The following SPAG16 variants were observed in gnomAD, a reference collection of about 807,000 sequenced individuals.
SPAG16 encodes sperm-associated antigen 16 protein.
A neutral mutation model predicts 80.4 loss-of-function variants in SPAG16; 86 were observed. The ratio of observed to expected loss-of-function variants is 1.07; its 90% CI spans 0.90 to 1.28. SPAG16 has a LOEUF of 1.28. SPAG16 is among the 50% of genes most tolerant of loss of function. The pLI is 0.00. For synonymous variants in SPAG16, 294 were observed against 265.9 expected (o/e 1.11, Z -1.03); for missense variants, 870 against 765.3 (o/e 1.14, Z -1.61).
chr2:213,585,370 A>C (rs112151900), intron 10 of SPAG16, among the ~76,000 whole-genome samples: 1 of 149,786 alleles, frequency 6.7e-6, no homozygotes, highest in African/African-American at 2.5e-5. Flanking sequence ...TCTGCCTCCT[A>C]GGTTCAAGCA....
chr2:213,379,017 GAC>G (rs1325003423), intron 9 of SPAG16, among the ~76,000 whole-genome samples: 2 of 152,202 alleles, frequency 1.3e-5, no homozygotes, highest in Non-Finnish European at 2.9e-5. Context: ...TTAGCCTGTT[GAC>G]TTAAAGGTAG....
intron 15 of SPAG16, among the ~76,000 whole-genome samples, chr2:214,166,416 C>G (rs1361185974): frequency 6.6e-6 from 1 of 152,140 alleles, no homozygotes; most frequent in Non-Finnish European, 1.5e-5. Context: ...CCTCCACGCC[C>G]CCGGGCTCGG....
chr2:214,261,156 A>G (rs1691144344), intron 15 of SPAG16, among the ~76,000 whole-genome samples: 1 of 143,062 alleles, frequency 7.0e-6, no homozygotes, highest in African/African-American at 2.6e-5. Context: ...AAAAAAAAGG[A>G]AAAACCTGAG....
chr2:213,545,525 T>C (rs1052832000), intron 10 of SPAG16, among the ~76,000 whole-genome samples: 2 of 152,152 alleles, frequency 1.3e-5, no homozygotes, highest in Non-Finnish European at 2.9e-5. Context: ...TGTATCAAAA[T>C]AGTCATCACC....
At chr2:214,261,606 T>A (rs1691181727) in intron 15 of SPAG16, among the ~76,000 whole-genome samples, 1 of 152,192 alleles carries the variant, frequency 6.6e-6, no homozygotes, top group African/African-American at 2.4e-5. Context: ...ATCACACACA[T>A]TTGCCCTTTA....
chr2:214,328,621 C>A (rs10490504), intron 15 of SPAG16, among the ~76,000 whole-genome samples: 2 of 152,094 alleles, frequency 1.3e-5, no homozygotes, highest in Non-Finnish European at 2.9e-5. Context: ...ATTTAAATCT[C>A]GTATCTCAAA....
rs568673794 is a variant in SPAG16, at chr2:214,238,708, C to CA, written c.1720+89446dup. 2.2e-3 allele frequency: 327 copies of CA among 150,776 alleles called. 3 individuals are homozygous for CA. Among genetic ancestry groups the CA allele is most frequent in the African/African-American group, 6.3e-3 (259 of 41,022 alleles). The allele number at this position is 150,776 out of a possible 1,614,324, so 9.3% of individuals were successfully genotyped here. On this transcript the variant is annotated intron_variant, in intron 15 of 15. Coordinates refer to ENST00000331683, the MANE Select transcript of SPAG16 (RefSeq NM_024532.5). Reference sequence around the variant, plus strand: ...TGTGCTATCTAGCTACCTCTTCCCACAAAATCTACATCCTTATCTGTTTTA... The same window carrying CA: ...TGTGCTATCTAGCTACCTCTTCCCACAAAAATCTACATCCTTATCTGTTTTA...
At chr2:213,625,849 A>G (rs547188757) in intron 10 of SPAG16, among the ~76,000 whole-genome samples, 121 of 151,700 alleles carry the variant, frequency 8.0e-4, no homozygotes, top group Non-Finnish European at 1.0e-3. Context: ...CACCACACCC[A>G]GCTAATTTTT....
intron 15 of SPAG16, chr2:214,240,747 A>C (rs1241701472): frequency 1.3e-5 from 2 of 152,208 alleles, no homozygotes; most frequent in Admixed American, 1.3e-4. Flanking sequence ...GTCATCATAA[A>C]AAATATAAAG....
At chr2:214,212,498 T>G (rs929806306) in intron 15 of SPAG16, among the ~76,000 whole-genome samples, 1 of 152,184 alleles carries the variant, frequency 6.6e-6, no homozygotes, top group Non-Finnish European at 1.5e-5. Context: ...GTCCATTGTT[T>G]GACTCTTGTG....
intron 10 of SPAG16, among the ~76,000 whole-genome samples, chr2:213,718,172 A>C (rs939196173): frequency 1.3e-5 from 2 of 150,918 alleles, no homozygotes; most frequent in African/African-American, 4.9e-5. Flanking sequence ...AAAAAAAAGA[A>C]AACCACCAAA....
At chr2:213,900,969 A>G (rs1403809299) in intron 11 of SPAG16, among the ~76,000 whole-genome samples, 1 of 152,180 alleles carries the variant, frequency 6.6e-6, no homozygotes, top group South Asian at 2.1e-4. Context: ...AATCATCTGT[A>G]TATTTCTAGA....
At chr2:213,790,692 C>G (rs575705428) in intron 10 of SPAG16, among the ~76,000 whole-genome samples, 2 of 151,968 alleles carry the variant, frequency 1.3e-5, no homozygotes, top group East Asian at 3.9e-4. Flanking sequence ...CCTCAAGCAT[C>G]TATGTGTATG....
intron 13 of SPAG16, among the ~76,000 whole-genome samples, chr2:214,022,392 G>A (rs1358739353): frequency 6.6e-6 from 1 of 152,046 alleles, no homozygotes; most frequent in East Asian, 1.9e-4. Flanking sequence ...GTGTCCTTGG[G>A]CATATTGTAT....
At chr2:213,573,773 C>G (rs1294541095) in intron 10 of SPAG16, among the ~76,000 whole-genome samples, 1 of 152,084 alleles carries the variant, frequency 6.6e-6, no homozygotes, top group Non-Finnish European at 1.5e-5. Context: ...CTGGTACAAA[C>G]AAAGATTTGA....
intron 10 of SPAG16, among the ~76,000 whole-genome samples, chr2:213,714,243 G>T (rs2066134030): frequency 6.6e-6 from 1 of 152,176 alleles, no homozygotes; most frequent in Non-Finnish European, 1.5e-5. Flanking sequence ...ATGTGCAGTG[G>T]AATATTTTTA....
intron 10 of SPAG16, among the ~76,000 whole-genome samples, chr2:213,557,027 G>A (rs1011828798): frequency 2.0e-5 from 3 of 152,060 alleles, no homozygotes; most frequent in Non-Finnish European, 4.4e-5. Flanking sequence ...TTAAGACTAA[G>A]CATCATGCTT....
intron 12 of SPAG16, among the ~76,000 whole-genome samples, chr2:213,985,602 C>G (rs949385706): frequency 6.6e-6 from 1 of 152,002 alleles, no homozygotes; most frequent in Non-Finnish European, 1.5e-5. Flanking sequence ...CTACATAGAT[C>G]TTTGCACAAA....
At chr2:213,382,635 C>T (rs373347845) in intron 9 of SPAG16, among the ~76,000 whole-genome samples, 6 of 152,182 alleles carry the variant, frequency 3.9e-5, no homozygotes, top group Non-Finnish European at 7.4e-5. Flanking sequence ...GCATGGAGGA[C>T]AAAAGATACA....
Sources: gnomAD v4.1 joint callset for allele counts (sites outside exome capture counted in the v4.1 genomes callset) on GRCh38, gnomAD v4.1.1 for gene constraint, MANE v1.5 for transcripts, NCBI Gene and HGNC (gene_info 2026-07-23, HGNC 2026-07-21) for gene names.